The following OSBPL3 variants were observed in gnomAD, a reference collection of about 807,000 sequenced individuals.
OSBPL3 encodes the protein oxysterol binding protein like 3.
OSBPL3 carries 65 observed loss-of-function variants against 120.1 expected under a neutral mutation model. The ratio of observed to expected loss-of-function variants is 0.54; its 90% CI spans 0.44 to 0.67. OSBPL3 has a LOEUF of 0.67. OSBPL3 is among the 30% of genes least tolerant of loss of function. The pLI is 0.00. For missense variants in OSBPL3, 1,004 were observed against 1,082.1 expected (o/e 0.93, Z 1.01); for synonymous variants, 416 against 402.6 (o/e 1.03, Z -0.40).
At chr7:24,979,696 G>C (rs1818032665) in intron 1 of OSBPL3, among the ~76,000 whole-genome samples, 190 bp downstream of exon 1, 1 of 152,170 alleles carries the variant, frequency 6.6e-6, no homozygotes. Flanking sequence ...CCTTCCCCGG[G>C]AGCTGCAGCC....
intron 1 of OSBPL3, among the ~76,000 whole-genome samples, chr7:24,895,401 C>T (rs539938982): frequency 4.6e-4 from 70 of 152,286 alleles, no homozygotes; most frequent in African/African-American, 1.6e-3. Context: ...ACCACATAGA[C>T]CGGGTGTGTA....
rs1794077300 is a variant in OSBPL3 at position 24,813,412 on chromosome 7, T to C, written c.2172+1647A>G. ...ATGAGAACAAGGTAGGTGGTAGATA[T>C]GGGAGTGGAGCATGTTTCCTTGCAG... On this transcript the variant is annotated intron_variant, in intron 19 of 22. Transcript: ENST00000313367. This position sits in a 1 kb window ranked among gnomAD's most constrained non-coding sequence, Gnocchi z 4.5. Among the ~76,000 whole-genome samples the C allele has an allele frequency of 6.6e-6, 1 of 152,172 alleles. No homozygotes were observed. The highest frequency in any genetic ancestry group is 1.5e-5 in the Non-Finnish European group (1 of 68,026).
At chr7:24,981,424 G>C (rs554302875), upstream of OSBPL3, 1 of 152,456 alleles carries the variant, frequency 6.6e-6, no homozygotes, top group East Asian at 1.9e-4. The surrounding 1 kb of genome is among the most constrained non-coding windows in gnomAD (Gnocchi z 7.3). Context: ...ACCGCGCGTG[G>C]CTCGCTGGGC....
At position 24,834,122 on chromosome 7, in the gene OSBPL3, T is replaced by A; in HGVS notation, c.1746+364A>T. 1 of 1,006,352 alleles carries A rather than the reference T, an allele frequency of 9.9e-7. No individual in the cohort carries two copies. Among genetic ancestry groups the A allele is most frequent in the Non-Finnish European group, 1.2e-6 (1 of 838,066 alleles). The allele number at this position is 1,006,352 out of a possible 1,614,324, so 62.3% of individuals were successfully genotyped here. A position where few individuals can be genotyped will look rare whatever the true frequency, so the allele number is the denominator to read the frequency against. ...AAAAACAGCTCGAGAAATTAAATTC[T>A]GTCCACCCAGGGAAGTAAAAATAAA... On this transcript the variant is annotated intron_variant, in intron 15 of 22. Transcript: ENST00000313367. This position sits in a 1 kb window ranked among gnomAD's most constrained non-coding sequence, Gnocchi z 5.2.
At chr7:24,921,825 C>G (rs566733136) in intron 1 of OSBPL3, among the ~76,000 whole-genome samples, 1 of 152,274 alleles carries the variant, frequency 6.6e-6, no homozygotes, top group Non-Finnish European at 1.5e-5. Context: ...AACAAGAGTT[C>G]ACATTATGGG....
rs143386888 is a variant in OSBPL3 at position 24,819,251 on chromosome 7, C to CA, written c.1948+923dup. Among the ~76,000 whole-genome samples, 21,358 of 108,850 alleles carry CA rather than the reference C, an allele frequency of 0.2. 1,940 individuals are homozygous for CA. Among genetic ancestry groups the CA allele is most frequent in the Middle Eastern group, 0.33 (66 of 202 alleles). The allele number at this position is 108,850 out of a possible 152,430, so 71.4% of individuals were successfully genotyped here. ...CTAGCAACAGACTGAGACTCCATTT[C>CA]AAAAAAAAAAAAAAAAAATCCAACT... On this transcript the variant is annotated intron_variant, in intron 17 of 22. Coordinates refer to ENST00000313367, the MANE Select transcript of OSBPL3 (RefSeq NM_015550.4). This position sits in a 1 kb window ranked among gnomAD's most constrained non-coding sequence, Gnocchi z 4.1.
rs1019131626 is a variant in OSBPL3, at chr7:24,898,129, C to G, written c.-149-5508G>C. On this transcript the variant is annotated intron_variant, in intron 1 of 22. Coordinates refer to ENST00000313367, the MANE Select transcript of OSBPL3 (RefSeq NM_015550.4). The surrounding 1 kb of genome is among the most constrained non-coding windows in gnomAD (Gnocchi z 4.3). ...TTTACAAATGGTACCCTCTGAAACA[C>G]CCTGATTTCAAAAATGTTACATGGT... is the stretch of plus-strand genomic sequence containing the variant. Among the ~76,000 whole-genome samples, 2 of 152,168 alleles carry G rather than the reference C, an allele frequency of 1.3e-5. No individual in the cohort carries two copies. Among genetic ancestry groups the G allele is most frequent in the East Asian group, 3.8e-4 (2 of 5,202 alleles).
Position 24,863,053 on chromosome 7 carries a change from T to C in OSBPL3, c.870+147A>G. 6 of 629,616 alleles carry C rather than the reference T, an allele frequency of 9.5e-6. No individual in the cohort carries two copies. The highest frequency in any genetic ancestry group is 9.4e-5 in the South Asian group (5 of 53,302). The allele number at this position is 629,616 out of a possible 1,614,324, so 39.0% of individuals were successfully genotyped here. On this transcript the variant is annotated intron_variant, in intron 9 of 22. Transcript: ENST00000313367. This position sits in a 1 kb window ranked among gnomAD's most constrained non-coding sequence, Gnocchi z 5.8. The stretch of plus-strand genomic sequence containing the variant: ...CACCCAGATAATCTAAGTGATTCAA[T>C]TCATCTCGCTACAGAGGACACTGGA...
In OSBPL3 at chr7:24,898,209, A is replaced by G. The variant is rs1170598690; in HGVS notation, c.-149-5588T>C. Among the ~76,000 whole-genome samples the G allele has an allele frequency of 6.6e-6, 1 of 152,242 alleles. No homozygotes were observed. Among genetic ancestry groups the G allele is most frequent in the Non-Finnish European group, 1.5e-5 (1 of 68,042 alleles). On this transcript the variant is annotated intron_variant, in intron 1 of 22. Transcript: ENST00000313367. This position sits in a 1 kb window ranked among gnomAD's most constrained non-coding sequence, Gnocchi z 4.3. ...AAGCACCACAGACCAGAGATTCAGC[A>G]TCAGAAGTTTCTGGAAGCAGGTTCT... is the stretch of plus-strand genomic sequence containing the variant.
intron 1 of OSBPL3, among the ~76,000 whole-genome samples, chr7:24,975,823 T>G (rs1227483228): frequency 6.6e-6 from 1 of 152,156 alleles, no homozygotes; most frequent in African/African-American, 2.4e-5. Context: ...GAAATTGGGT[T>G]TAGAGAGATT....
intron 10 of OSBPL3, among the ~76,000 whole-genome samples, chr7:24,861,401 T>G (rs1800512937): frequency 6.6e-6 from 1 of 152,142 alleles, no homozygotes; most frequent in South Asian, 2.1e-4. Flanking sequence ...AAGTACTAAC[T>G]CTCTCTCATT....
intron 11 of OSBPL3, among the ~76,000 whole-genome samples, chr7:24,850,393 G>A (rs1396708177): frequency 6.6e-6 from 1 of 152,154 alleles, no homozygotes; most frequent in Non-Finnish European, 1.5e-5. Context: ...TCAGCTCCAC[G>A]GGTGCTCGCA....
rs556256341 is a variant in OSBPL3 at position 24,963,642 on chromosome 7, T to G, written c.-150+16244A>C. 5.3e-5 allele frequency among the ~76,000 whole-genome samples: 8 copies of G among 152,134 alleles called. No homozygotes were observed. In the South Asian group the frequency reaches 1.7e-3, roughly 32 times the overall value. On this transcript the variant is annotated intron_variant, in intron 1 of 22. Transcript: ENST00000313367. ...AATCTGCCAGCATAGCATGGAGTGG[T>G]AAAAAAGGGGCAGGACTACAAGTTC...
intron 14 of OSBPL3, among the ~76,000 whole-genome samples, chr7:24,837,259 G>A (rs1187458669): frequency 3.3e-5 from 5 of 152,112 alleles, no homozygotes; most frequent in Admixed American, 1.3e-4. Context: ...GCTGGAGTGC[G>A]GTGGTATGAT....
intron 22 of OSBPL3, among the ~76,000 whole-genome samples, chr7:24,801,112 GCA>G (rs1030351298): frequency 6.6e-6 from 1 of 151,316 alleles, no homozygotes; most frequent in Non-Finnish European, 1.5e-5. Context: ...ATGGTGGCGG[GCA>G]CCCGTAATCC....
Position 24,877,870 on chromosome 7 carries a change from T to C in OSBPL3, c.97-5801A>G, listed in dbSNP as rs956941956. ...TGGGGAAATCAAGGCCCTGCTGACT[T>C]AGCCCAACACGGCTGCACTGATGTC... is the stretch of plus-strand genomic sequence containing the variant. On this transcript the variant is annotated intron_variant, in intron 2 of 22. Coordinates refer to ENST00000313367, the MANE Select transcript of OSBPL3 (RefSeq NM_015550.4). The surrounding 1 kb of genome is among the most constrained non-coding windows in gnomAD (Gnocchi z 4.8). 6.6e-6 allele frequency among the ~76,000 whole-genome samples: 1 copy of C among 152,072 alleles called. No homozygotes were observed. The highest frequency in any genetic ancestry group is 1.5e-5 in the Non-Finnish European group (1 of 68,004).
chr7:24,933,822 G>C lies in OSBPL3; in HGVS notation c.-149-41201C>G, dbSNP rs1390582727. The stretch of plus-strand genomic sequence containing the variant: ...TATCTGCTTTTGCTATCAAAGTTTG[G>C]AATTTCAGTCAAATATACAGCGAAA... On this transcript the variant is annotated intron_variant, in intron 1 of 22. Transcript: ENST00000313367. This position sits in a 1 kb window ranked among gnomAD's most constrained non-coding sequence, Gnocchi z 5.1. 1.3e-5 allele frequency among the ~76,000 whole-genome samples: 2 copies of C among 152,150 alleles called. No homozygotes were observed. The highest frequency in any genetic ancestry group is 2.9e-5 in the Non-Finnish European group (2 of 68,016).
At chr7:24,903,638 A>G (rs1807396732) in intron 1 of OSBPL3, among the ~76,000 whole-genome samples, 1 of 152,202 alleles carries the variant, frequency 6.6e-6, no homozygotes, top group South Asian at 2.1e-4. Context: ...GAAGTCTGAC[A>G]TCTTCCTTAA....
intron 1 of OSBPL3, among the ~76,000 whole-genome samples, chr7:24,945,279 T>A (rs539580904): frequency 5.3e-5 from 8 of 152,198 alleles, no homozygotes; most frequent in Non-Finnish European, 4.4e-5. Context: ...GGTTTCCAGT[T>A]CTTTCTCCAT....
Sources: gnomAD v4.1 joint callset for allele counts (sites outside exome capture counted in the v4.1 genomes callset) on GRCh38, gnomAD v4.1.1 for gene constraint, Gnocchi (gnomAD v3.1) non-coding constraint, MANE v1.5 for transcripts, NCBI Gene and HGNC (gene_info 2026-07-23, HGNC 2026-07-21) for gene names.